The following FGF14 variants were observed in gnomAD, a reference collection of about 807,000 sequenced individuals.
FGF14 encodes the protein fibroblast growth factor 14.
A neutral mutation model predicts 25.5 loss-of-function variants in FGF14; 5 were observed. The observed-to-expected ratio is 0.20, with a 90% confidence interval of 0.10 to 0.41. The LOEUF (loss-of-function observed/expected upper bound fraction) is 0.41, where lower values mean the gene tolerates loss of function less well. Among genes scored for constraint, FGF14 ranks in the 10% least tolerant of loss-of-function variants. The pLI is 1.00. For missense variants in FGF14, 222 were observed against 320.1 expected (o/e 0.69, Z 2.34); for synonymous variants, 138 against 118.3 (o/e 1.17, Z -1.08).
chr13:102,363,727 G>A (rs1226726917), intron 1 of FGF14, among the ~76,000 whole-genome samples: 3 of 152,204 alleles, frequency 2.0e-5, no homozygotes, highest in Non-Finnish European at 2.9e-5. Context: ...TGTGACCGCT[G>A]TTGGGAGCTC....
chr13:101,880,827 G>A (rs549640825), intron 1 of FGF14, among the ~76,000 whole-genome samples: 3 of 152,206 alleles, frequency 2.0e-5, no homozygotes, highest in African/African-American at 7.2e-5. Context: ...TTATTGAACC[G>A]AATTCACTTT....
chr13:102,359,534 C>T (rs980924010), intron 1 of FGF14, among the ~76,000 whole-genome samples: 21 of 152,038 alleles, frequency 1.4e-4, no homozygotes, highest in African/African-American at 5.1e-4. Context: ...TGCGTAACAC[C>T]AGCTAAAAGG....
chr13:102,349,770 AG>A, intron 1 of FGF14, among the ~76,000 whole-genome samples: 1 of 152,346 alleles, frequency 6.6e-6, no homozygotes, highest in East Asian at 1.9e-4. Flanking sequence ...CCATGGGTTT[AG>A]GTTAAAGTAG....
chr13:101,990,845 G>A (rs555339601), intron 1 of FGF14, among the ~76,000 whole-genome samples: 1 of 152,170 alleles, frequency 6.6e-6, no homozygotes, highest in South Asian at 2.1e-4. Flanking sequence ...TGAAATCTCA[G>A]TTTTTCACAT....
chr13:101,775,481 G>T (rs1329242094), intron 3 of FGF14, among the ~76,000 whole-genome samples: 4 of 151,792 alleles, frequency 2.6e-5, no homozygotes, highest in Admixed American at 6.6e-5. Flanking sequence ...CTTCCATAAG[G>T]AGAAAACACA....
chr13:101,986,393 A>C (rs2038580915), intron 1 of FGF14, among the ~76,000 whole-genome samples: 1 of 152,148 alleles, frequency 6.6e-6, no homozygotes, highest in Non-Finnish European at 1.5e-5. Flanking sequence ...CATATATTGA[A>C]TCTACAGCAA....
intron 1 of FGF14, chr13:102,294,136 C>A (rs966657171): frequency 2.0e-5 from 3 of 152,164 alleles, no homozygotes; most frequent in Non-Finnish European, 4.4e-5. Context: ...AATCATAATA[C>A]AAGAGGCTTC....
At chr13:102,254,523 A>G (rs1317516577) in intron 1 of FGF14, among the ~76,000 whole-genome samples, 1 of 152,180 alleles carries the variant, frequency 6.6e-6, no homozygotes, top group Non-Finnish European at 1.5e-5. Context: ...ATTCCTAAGA[A>G]TTCTGATGGC....
chr13:101,768,656 T>C (rs900335850), intron 3 of FGF14, among the ~76,000 whole-genome samples: 2 of 151,948 alleles, frequency 1.3e-5, no homozygotes, highest in Non-Finnish European at 1.5e-5. Context: ...AGCAAAGAAA[T>C]AGACCCACAT....
chr13:101,933,030 T>C (rs747921814), intron 1 of FGF14, among the ~76,000 whole-genome samples: 54 of 152,354 alleles, frequency 3.5e-4, no homozygotes, highest in Admixed American at 1.2e-3. Flanking sequence ...ATTTTTGTCA[T>C]AATTTTTCAC....
rs143823885 is a variant in FGF14 at position 102,326,734 on chromosome 13, GGAAGGAAGGAAGGAAGGAAA to G, written c.208+74717_208+74736del. Among the ~76,000 whole-genome samples, 247 of 98,110 alleles carry G rather than the reference GGAAGGAAGGAAGGAAGGAAA, an allele frequency of 2.5e-3. 7 individuals carry two copies. The highest frequency in any genetic ancestry group is 8.5e-3 in the African/African-American group (205 of 24,186). 64.4% of individuals were successfully genotyped at this position (98,110 alleles called of 152,430 possible). On this transcript the variant is annotated intron_variant, in intron 1 of 4. Transcript: ENST00000376131. ...AGGAAGGAAGGAAGGAAGGAAGGAA[GGAAGGAAGGAAGGAAGGAAA>G]GAGGGAGGGAAGGAAGGAAGAAAAA...
chr13:102,386,980 T>A (rs1245834701), intron 1 of FGF14, among the ~76,000 whole-genome samples: 1 of 152,214 alleles, frequency 6.6e-6, no homozygotes, highest in African/African-American at 2.4e-5. Context: ...CACCACAGTA[T>A]GTCTACTACT....
At chr13:102,260,161 G>C (rs1438126650) in intron 1 of FGF14, among the ~76,000 whole-genome samples, 1 of 152,050 alleles carries the variant, frequency 6.6e-6, no homozygotes, top group Non-Finnish European at 1.5e-5. Flanking sequence ...GGGGAGGAGA[G>C]AGTAAGTTTA....
intron 1 of FGF14, among the ~76,000 whole-genome samples, chr13:102,152,681 A>G (rs2047141192): frequency 2.6e-5 from 4 of 152,134 alleles, no homozygotes; most frequent in Non-Finnish European, 1.5e-5. Flanking sequence ...AGTAACTGAA[A>G]CCACAATGCC....
chr13:102,273,730 G>T (rs528213612), intron 1 of FGF14, among the ~76,000 whole-genome samples: 1 of 151,832 alleles, frequency 6.6e-6, no homozygotes, highest in Non-Finnish European at 1.5e-5. Flanking sequence ...TCTTTCTACA[G>T]GTCCAGGAGT....
intron 1 of FGF14, among the ~76,000 whole-genome samples, chr13:102,088,330 G>A (rs1046755179): frequency 6.6e-6 from 1 of 152,140 alleles, no homozygotes; most frequent in South Asian, 2.1e-4. Context: ...AATAAAAATG[G>A]TAACTGTGCT....
At chr13:102,099,833 T>C (rs971634035) in intron 1 of FGF14, among the ~76,000 whole-genome samples, 19 of 152,158 alleles carry the variant, frequency 1.2e-4, no homozygotes, top group African/African-American at 4.3e-4. Flanking sequence ...GACTATGATA[T>C]ATAGTTAGGT....
At chr13:102,115,356 C>G (rs1463471471) in intron 1 of FGF14, among the ~76,000 whole-genome samples, 1 of 152,178 alleles carries the variant, frequency 6.6e-6, no homozygotes, top group Non-Finnish European at 1.5e-5. Flanking sequence ...TCATCAGACA[C>G]AAGACCACTG....
At chr13:102,285,250 A>T (rs2054037614) in intron 1 of FGF14, among the ~76,000 whole-genome samples, 1 of 152,166 alleles carries the variant, frequency 6.6e-6, no homozygotes, top group African/African-American at 2.4e-5. Context: ...TTGGTTATAC[A>T]TTCTGCTTCG....
Sources: gnomAD v4.1 joint callset for allele counts (sites outside exome capture counted in the v4.1 genomes callset) on GRCh38, gnomAD v4.1.1 for gene constraint, MANE v1.5 for transcripts, NCBI Gene and HGNC (gene_info 2026-07-23, HGNC 2026-07-21) for gene names.